NRG1: variants seen among roughly 807,000 people sequenced by gnomAD.
The protein encoded by NRG1 is pro-neuregulin-1, membrane-bound isoform.
NRG1 carries 18 observed loss-of-function variants against 63.8 expected under a neutral mutation model. The observed-to-expected ratio is 0.28, with a 90% confidence interval of 0.19 to 0.42. The LOEUF is 0.42. NRG1 is among the 10% of genes least tolerant of loss of function. The pLI is 1.00. For synonymous variants in NRG1, 302 were observed against 301.3 expected (o/e 1.00, Z -0.02); for missense variants, 762 against 814.7 (o/e 0.94, Z 0.79).
chr8:32,419,101 A>C (rs775768907), intron 1 of NRG1, among the ~76,000 whole-genome samples: 8 of 152,186 alleles, frequency 5.3e-5, no homozygotes, highest in Non-Finnish European at 1.2e-4. Flanking sequence ...TCAGCACTTG[A>C]GAGATGGATT....
intron 1 of NRG1, among the ~76,000 whole-genome samples, chr8:32,439,519 C>A (rs34439382): frequency 6.6e-6 from 1 of 152,070 alleles, no homozygotes; most frequent in Non-Finnish European, 1.5e-5. Context: ...CTTCACAAGC[C>A]ACAGTCAGAA....
At chr8:31,945,492 G>A (rs1802399765) in intron 1 of NRG1, among the ~76,000 whole-genome samples, 1 of 152,078 alleles carries the variant, frequency 6.6e-6, no homozygotes, top group African/African-American at 2.4e-5. Context: ...AGTATTCCAG[G>A]TGCAGCCACT....
chr8:32,243,470 G>T (rs2170415), intron 1 of NRG1, among the ~76,000 whole-genome samples: 24 of 150,748 alleles, frequency 1.6e-4, no homozygotes, highest in Non-Finnish European at 2.1e-4. Flanking sequence ...CATTGGATTA[G>T]GGCCCACCCT....
At chr8:31,710,087 A>G (rs1811588723) in intron 1 of NRG1, among the ~76,000 whole-genome samples, 1 of 151,782 alleles carries the variant, frequency 6.6e-6, no homozygotes, top group Admixed American at 6.5e-5. Context: ...GCTATAGCTC[A>G]TGAATTCAGG....
At chr8:32,095,205 G>A (rs181551124) in intron 1 of NRG1, among the ~76,000 whole-genome samples, 8 of 152,192 alleles carry the variant, frequency 5.3e-5, no homozygotes, top group East Asian at 3.9e-4. Context: ...CCTCTGCGCC[G>A]TGCCATTTTC....
intron 1 of NRG1, among the ~76,000 whole-genome samples, chr8:31,871,811 C>T (rs1393799368): frequency 6.6e-6 from 1 of 152,138 alleles, no homozygotes; most frequent in East Asian, 1.9e-4. Context: ...TGGCCCACGA[C>T]ACATAATGAT....
intron 1 of NRG1, among the ~76,000 whole-genome samples, chr8:31,876,635 C>G (rs770481119): frequency 6.6e-6 from 1 of 152,078 alleles, no homozygotes; most frequent in Non-Finnish European, 1.5e-5. Flanking sequence ...AAAAAATATT[C>G]AAGCAGTAGA....
intron 1 of NRG1, among the ~76,000 whole-genome samples, chr8:31,838,004 G>A (rs1465433632): frequency 2.0e-5 from 3 of 152,002 alleles, no homozygotes; most frequent in African/African-American, 7.2e-5. Flanking sequence ...CCAGTAATGG[G>A]ATTGCTGGTT....
intron 1 of NRG1, among the ~76,000 whole-genome samples, chr8:31,910,587 A>G (rs551960732): frequency 1.3e-5 from 2 of 152,298 alleles, no homozygotes; most frequent in African/African-American, 2.4e-5. Context: ...TGAGATGCCC[A>G]AGAGACATCT....
intron 2 of NRG1, among the ~76,000 whole-genome samples, chr8:32,604,675 C>A (rs1474168624): frequency 6.6e-6 from 1 of 152,098 alleles, no homozygotes; most frequent in African/African-American, 2.4e-5. Flanking sequence ...CCAAGTGATT[C>A]TCTCATGTCA....
chr8:31,996,803 T>C (rs1339843773), intron 1 of NRG1, among the ~76,000 whole-genome samples: 1 of 151,696 alleles, frequency 6.6e-6, no homozygotes, highest in South Asian at 2.1e-4. Flanking sequence ...GCTTAAAGGG[T>C]TGGTTGGATT....
At chr8:32,597,988 G>C (rs753657628) in intron 2 of NRG1, among the ~76,000 whole-genome samples, 1 of 152,166 alleles carries the variant, frequency 6.6e-6, no homozygotes. Flanking sequence ...AGACAAGTTA[G>C]TAAGGAATGA....
intron 1 of NRG1, among the ~76,000 whole-genome samples, chr8:32,461,594 A>T (rs1052936074): frequency 5.3e-5 from 8 of 152,122 alleles, no homozygotes; most frequent in African/African-American, 1.9e-4. Context: ...GCTATTTGGG[A>T]GGTGGGAGAA....
intron 1 of NRG1, among the ~76,000 whole-genome samples, chr8:32,239,277 T>TAA (rs34909373): frequency 1.4e-5 from 2 of 144,414 alleles, no homozygotes; most frequent in Admixed American, 6.9e-5. Flanking sequence ...AGATGAGCTT[T>TAA]AAAAAAAAAA....
intron 1 of NRG1, among the ~76,000 whole-genome samples, chr8:32,145,052 C>G (rs1836718717): frequency 6.6e-6 from 1 of 152,170 alleles, no homozygotes; most frequent in African/African-American, 2.4e-5. Flanking sequence ...GTTTCACAAG[C>G]TCTGCGAGAT....
At position 32,085,175 on chromosome 8, in the gene NRG1, A is replaced by G. The variant is rs1012491410; in HGVS notation, c.37+445744A>G. 2.0e-5 allele frequency among the ~76,000 whole-genome samples: 3 copies of G among 152,216 alleles called. No individual in the cohort carries two copies. The South Asian group carries it at 6.2e-4, about 32-fold the overall frequency. ...TGATTCTCTGGCATTTAAAATTTAT[A>G]TCCACTCGCCCATAGGATTCTTTTA... On this transcript the variant is annotated intron_variant, in intron 1 of 10. Transcript: ENST00000519301.
intron 3 of NRG1, among the ~76,000 whole-genome samples, chr8:32,606,069 G>C (rs1258648553): frequency 3.3e-5 from 5 of 149,926 alleles, no homozygotes; most frequent in African/African-American, 1.2e-4. Flanking sequence ...ATGTATATAT[G>C]CACACAGAAT....
chr8:32,372,861 T>C (rs1202457195), intron 1 of NRG1, among the ~76,000 whole-genome samples: 9 of 152,142 alleles, frequency 5.9e-5, no homozygotes, highest in Non-Finnish European at 1.3e-4. Context: ...CTGCAGGGGC[T>C]ATAAGCAAAG....
intron 1 of NRG1, among the ~76,000 whole-genome samples, chr8:31,964,046 T>C (rs1472536201): frequency 6.6e-6 from 1 of 152,080 alleles, no homozygotes; most frequent in Non-Finnish European, 1.5e-5. Flanking sequence ...CTTATAAATG[T>C]GAGGTAGATG....
Sources: allele counts gnomAD v4.1 joint callset (sites outside exome capture counted in the v4.1 genomes callset), GRCh38; gene constraint gnomAD v4.1.1; transcripts MANE v1.5; gene names NCBI Gene and HGNC (gene_info 2026-07-23, HGNC 2026-07-21).